Variants in QSER1 observed in about 807,000 individuals in gnomAD.
The protein encoded by QSER1 is glutamine and serine-rich protein 1.
In QSER1, 49 loss-of-function variants were observed where a neutral mutation model predicts 158.5. The ratio of observed to expected loss-of-function variants is 0.31; its 90% confidence interval spans 0.25 to 0.39. The LOEUF (loss-of-function observed/expected upper bound fraction) is 0.39, where lower values mean the gene tolerates loss of function less well. Among genes scored for constraint, QSER1 ranks in the 10% least tolerant of loss-of-function variants. The pLI, the probability that QSER1 is intolerant of heterozygous loss-of-function variation, is 1.00. For synonymous variants in QSER1, 650 were observed against 715.5 expected (o/e 0.91, Z 1.46); for missense variants, 1,754 against 2,010.3 (o/e 0.87, Z 2.44).
chr11:32,973,370 C>CA, intron 10 of QSER1, 27 bp from the exon 11 acceptor site: 2 of 1,610,922 alleles, frequency 1.2e-6, no homozygotes, highest in South Asian at 2.2e-5. Context: ...CTTCTGGTGT[C>CA]AGTTATTTTG....
Position 32,935,029 on chromosome 11 carries a change from A to G in QSER1, c.3771A>G (p.Gln1257=). The G allele has an allele frequency of 6.2e-7, 1 of 1,614,152 alleles. No individual in the cohort carries two copies. The highest frequency in any genetic ancestry group is 1.1e-5 in the South Asian group (1 of 91,088). Reference sequence around the variant, plus strand: ...GCTGCCATGATGGTTATCAGCATCAAGAAAAAATGAGACAGAAGATCAAAG... The same window carrying G: ...GCTGCCATGATGGTTATCAGCATCAGGAAAAAATGAGACAGAAGATCAAAG... ...SESCHDGYQH[Q]EKMRQKIKEV... is the part of the protein sequence containing the mutation. Residue 1257 remains glutamine (Q), a synonymous_variant, in exon 4 of 13, where the codon CAA becomes CAG. Coordinates refer to ENST00000650167, the MANE Select transcript of QSER1 (RefSeq NM_001076786.3).
intron 4 of QSER1, 50 bp from the exon 5 acceptor site, chr11:32,953,807 G>A: frequency 3.2e-6 from 5 of 1,538,666 alleles, no homozygotes; most frequent in Non-Finnish European, 4.4e-6. Context: ...CACAAAACAA[G>A]TGTTTAAATA....
intron 4 of QSER1, among the ~76,000 whole-genome samples, chr11:32,941,627 A>C (rs544992533): frequency 6.6e-6 from 1 of 152,012 alleles, no homozygotes; most frequent in Non-Finnish European, 1.5e-5. Context: ...AATCCAGTCT[A>C]TCATTGTAGG....
chr11:32,902,403 A>G (rs1438402463), intron 1 of QSER1, among the ~76,000 whole-genome samples: 1 of 152,160 alleles, frequency 6.6e-6, no homozygotes. Context: ...TGCATTTCTA[A>G]CAAGTTTGTA....
chr11:32,972,898 TCCTCTGTCG>T (rs1852895569), intron 10 of QSER1, among the ~76,000 whole-genome samples: 1 of 152,212 alleles, frequency 6.6e-6, no homozygotes, highest in Non-Finnish European at 1.5e-5. Flanking sequence ...GTGCCGCTTC[TCCTCTGTCG>T]TCATCTTCAC....
At chr11:32,896,742 C>G (rs1851561001) in intron 1 of QSER1, among the ~76,000 whole-genome samples, 1 of 152,038 alleles carries the variant, frequency 6.6e-6, no homozygotes, top group African/African-American at 2.4e-5. Context: ...TTTAGAATTC[C>G]TAATGCATAC....
chr11:32,968,278 GT>G (rs964209795), intron 9 of QSER1, among the ~76,000 whole-genome samples: 1 of 151,422 alleles, frequency 6.6e-6, no homozygotes, highest in Non-Finnish European at 1.5e-5. Flanking sequence ...CTGGGTTGTT[GT>G]TTTTTTTCAG....
intron 6 of QSER1, among the ~76,000 whole-genome samples, chr11:32,955,776 G>A (rs1026306050): frequency 6.6e-6 from 1 of 152,118 alleles, no homozygotes; most frequent in Non-Finnish European, 1.5e-5. Flanking sequence ...CATACTTAAT[G>A]TAGCTGGAAG....
chr11:32,919,456 TTTTTC>T (rs1328268104), intron 1 of QSER1, among the ~76,000 whole-genome samples: 1 of 152,154 alleles, frequency 6.6e-6, no homozygotes, highest in Admixed American at 6.5e-5. Context: ...TGCCTAATGT[TTTTTC>T]TTTTCATGTT....
At chr11:32,969,938 G>T (rs148952053) in intron 10 of QSER1, among the ~76,000 whole-genome samples, 2,782 of 152,092 alleles carry the variant, frequency 0.018, 44 homozygotes, top group South Asian at 0.035. Context: ...GCCCACCTTG[G>T]CCTCCCAAAG....
intron 1 of QSER1, among the ~76,000 whole-genome samples, chr11:32,895,279 A>G (rs1238679953): frequency 6.6e-6 from 1 of 152,218 alleles, no homozygotes; most frequent in Non-Finnish European, 1.5e-5. Context: ...TTTTTAAAAA[A>G]TAAGCGGTGG....
chr11:32,965,944 AACACACACACACAC>A (rs5790910), intron 8 of QSER1, among the ~76,000 whole-genome samples: 23 of 123,620 alleles, frequency 1.9e-4, no homozygotes, highest in African/African-American at 5.4e-4. Flanking sequence ...TCTGTCTCAA[AACACACACACACAC>A]ACACACACAC....
Position 32,953,806 on chromosome 11 carries a change from A to T in QSER1, c.4178-51A>T, listed in dbSNP as rs1852464048. Reference sequence around the variant, plus strand: ...ACTGTTTTGAGTTTTACACAAAACAAGTGTTTAAATATTTGTAATACTGAT... The same window carrying T: ...ACTGTTTTGAGTTTTACACAAAACATGTGTTTAAATATTTGTAATACTGAT... On this transcript the variant is annotated intron_variant, in intron 4 of 12. Coordinates refer to ENST00000650167, the MANE Select transcript of QSER1 (RefSeq NM_001076786.3). 11 of 1,537,750 alleles carry T rather than the reference A, an allele frequency of 7.2e-6. No individual in the cohort carries two copies. In the South Asian group the frequency reaches 1.4e-4, roughly 20 times the overall value.
intron 1 of QSER1, among the ~76,000 whole-genome samples, chr11:32,897,088 G>A (rs957424524): frequency 6.6e-6 from 1 of 152,070 alleles, no homozygotes; most frequent in Non-Finnish European, 1.5e-5. Context: ...TAAGTCACAC[G>A]TACATTCATT....
chr11:32,929,606 G>A (rs533998879), intron 3 of QSER1, among the ~76,000 whole-genome samples: 30 of 152,086 alleles, frequency 2.0e-4, no homozygotes, highest in African/African-American at 6.8e-4. Flanking sequence ...ACTCTAAATG[G>A]GAAATAAAAA....
At chr11:32,948,653 C>A (rs6484614) in intron 4 of QSER1, among the ~76,000 whole-genome samples, 1 of 152,194 alleles carries the variant, frequency 6.6e-6, no homozygotes, top group African/African-American at 2.4e-5. Context: ...CAAAACTATT[C>A]TTTGGTTTGT....
At chr11:32,927,890 A>T in intron 2 of QSER1, 72 bp from the exon 3 acceptor site, 1 of 444,210 alleles carries the variant, frequency 2.3e-6, no homozygotes. Context: ...TTTAAAATAG[A>T]GTCAGGAATA....
chr11:32,943,037 CT>C (rs1852267240), intron 4 of QSER1, among the ~76,000 whole-genome samples: 1 of 151,162 alleles, frequency 6.6e-6, no homozygotes, highest in Non-Finnish European at 1.5e-5. Flanking sequence ...CTCTGTTTGT[CT>C]GTTGTTGGTG....
At chr11:32,946,745 T>G (rs990510363) in intron 4 of QSER1, among the ~76,000 whole-genome samples, 2 of 151,954 alleles carry the variant, frequency 1.3e-5, no homozygotes, top group African/African-American at 2.4e-5. Context: ...CCTTGAGCTG[T>G]GGTGGGCTCC....
Sources: allele counts gnomAD v4.1 joint callset (sites outside exome capture counted in the v4.1 genomes callset), GRCh38; gene constraint gnomAD v4.1.1; transcripts MANE v1.5; gene names NCBI Gene and HGNC (gene_info 2026-07-23, HGNC 2026-07-21).